The following BANP variants were observed in gnomAD, a reference collection of about 807,000 sequenced individuals.
BANP encodes the protein BTG3 associated nuclear protein, also known as protein BANP.
In BANP, 11 loss-of-function variants were observed where a neutral mutation model predicts 68.1. That is an observed-to-expected ratio of 0.16 (90% CI 0.10 to 0.27). BANP has a LOEUF of 0.27. Ranked by LOEUF, BANP falls within the 10% of genes least tolerant of loss-of-function variation. The pLI is 1.00. For synonymous variants in BANP, 329 were observed against 303.2 expected (o/e 1.09, Z -0.88); for missense variants, 504 against 722.7 (o/e 0.70, Z 3.47).
At chr16:88,053,836 T>G (rs370447405) in intron 11 of BANP, among the ~76,000 whole-genome samples, 1 of 89,626 alleles carries the variant, frequency 1.1e-5, no homozygotes, top group Non-Finnish European at 2.5e-5. Flanking sequence ...CACAACCACC[T>G]TAACAACCAC....
In BANP at chr16:87,987,712, C is replaced by CAAAAAAAAAAAAAAAAAAA. The variant is rs66648819; in HGVS notation, c.362+3462_362+3480dup. Reference sequence around the variant, plus strand: ...CTCCAGGCTGAGCGAGACCCTAACTCAAAAAAAAAAAAAAAAAAAAAAAAA... The same window carrying CAAAAAAAAAAAAAAAAAAA: ...CTCCAGGCTGAGCGAGACCCTAACTCAAAAAAAAAAAAAAAAAAAAAAAAAAAAAAAAAAAAAAAAAAAA... On this transcript the variant is annotated intron_variant, in intron 4 of 13. Coordinates refer to ENST00000682872, the MANE Select transcript of BANP (RefSeq NM_001386991.1). Among the ~76,000 whole-genome samples, 109 of 30,370 alleles carry CAAAAAAAAAAAAAAAAAAA rather than the reference C, an allele frequency of 3.6e-3. 29 individuals are homozygous for CAAAAAAAAAAAAAAAAAAA. Among genetic ancestry groups the CAAAAAAAAAAAAAAAAAAA allele is most frequent in the Non-Finnish European group, 4.8e-3 (83 of 17,218 alleles). The allele number at this position is 30,370 out of a possible 152,430, so 19.9% of individuals were successfully genotyped here. A position where few individuals can be genotyped will look rare whatever the true frequency, so the allele number is the denominator to read the frequency against.
intron 6 of BANP, among the ~76,000 whole-genome samples, chr16:88,011,116 G>A (rs1377597121): frequency 1.3e-5 from 2 of 152,200 alleles, no homozygotes; most frequent in African/African-American, 4.8e-5. Context: ...GTGCCACAGA[G>A]CGGCCGGAAG....
chr16:87,997,829 C>T (rs2067707250), intron 4 of BANP, among the ~76,000 whole-genome samples: 3 of 152,260 alleles, frequency 2.0e-5, no homozygotes, highest in Admixed American at 2.0e-4. Context: ...AGGACTGTTA[C>T]TTCCTGGTGA....
Position 88,071,971 on chromosome 16 carries a change from A to G in BANP, c.1378-98A>G. 6.8e-7 allele frequency: 1 copy of G among 1,476,792 alleles called. No individual in the cohort carries two copies. Among genetic ancestry groups the G allele is most frequent in the East Asian group, 2.5e-5 (1 of 40,498 alleles). 91.5% of individuals were successfully genotyped at this position (1,476,792 alleles called of 1,614,324 possible). The stretch of plus-strand genomic sequence containing the variant: ...GTGTCCCTGCCGCTCAGGGGACAGC[A>G]CGTGTGGGCTGGGGTCTGCGGTCTG... On this transcript the variant is annotated intron_variant, in intron 12 of 13. Transcript: ENST00000682872. The surrounding 1 kb of genome is among the most constrained non-coding windows in gnomAD (Gnocchi z 6.5).
intron 1 of BANP, among the ~76,000 whole-genome samples, chr16:87,969,250 TG>T (rs200422080): frequency 0.02 from 3,013 of 152,212 alleles, 90 homozygotes; most frequent in African/African-American, 0.068. Flanking sequence ...TTGTTGTTGT[TG>T]TTGTTGTTTG....
chr16:88,031,996 G>C (rs1434941287), intron 8 of BANP, among the ~76,000 whole-genome samples: 1 of 152,008 alleles, frequency 6.6e-6, no homozygotes, highest in Non-Finnish European at 1.5e-5. Flanking sequence ...GTAGAGACGG[G>C]GTTCACCATG....
chr16:87,957,834 C>G lies in BANP; in HGVS notation c.-69+6319C>G, dbSNP rs1256232229. On this transcript the variant is annotated intron_variant, in intron 1 of 13. Transcript: ENST00000682872. The surrounding 1 kb of genome is among the most constrained non-coding windows in gnomAD (Gnocchi z 4.3). ...GCCACGGTCCCTGCTGTCATCATGG[C>G]ATGCTGCAAGCTCTGTGGGCGCTGG... Among the ~76,000 whole-genome samples the G allele has an allele frequency of 6.6e-6, 1 of 152,158 alleles. No individual in the cohort carries two copies. The highest frequency in any genetic ancestry group is 1.5e-5 in the Non-Finnish European group (1 of 68,036).
chr16:88,062,635 C>T (rs534545870), intron 11 of BANP, among the ~76,000 whole-genome samples: 6 of 152,328 alleles, frequency 3.9e-5, no homozygotes, highest in African/African-American at 1.4e-4. Flanking sequence ...TCAAGTTCAG[C>T]CGCAGGCCAG....
intron 7 of BANP, among the ~76,000 whole-genome samples, chr16:88,022,776 C>G (rs1598536905): frequency 6.6e-6 from 1 of 152,154 alleles, no homozygotes; most frequent in East Asian, 1.9e-4. Flanking sequence ...GGCCGCATCC[C>G]TCCAGTCTCT....
chr16:88,031,023 C>A (rs558590970), intron 8 of BANP, among the ~76,000 whole-genome samples: 1 of 152,216 alleles, frequency 6.6e-6, no homozygotes, highest in Non-Finnish European at 1.5e-5. Flanking sequence ...AGCAGCTCCG[C>A]GGAGGTGGGC....
At chr16:88,073,943 CG>C (rs1448456667) in intron 13 of BANP, among the ~76,000 whole-genome samples, 1 of 152,236 alleles carries the variant, frequency 6.6e-6, no homozygotes, top group Admixed American at 6.5e-5. Flanking sequence ...CCAAGGAAGA[CG>C]GCGTGCTTAA....
chr16:88,073,546 G>C (rs1055919327), intron 13 of BANP, among the ~76,000 whole-genome samples: 3 of 143,748 alleles, frequency 2.1e-5, no homozygotes, highest in Non-Finnish European at 4.7e-5. Flanking sequence ...CGCACAGGCA[G>C]TGAGGAGCGG....
chr16:87,984,170 G>T lies in BANP; in HGVS notation c.273G>T (p.Leu91=), dbSNP rs758876999. ...TCKSLEEKLD[L]VTNKQHSPIQ... Reference sequence around the variant, plus strand: ...AATCCTTAGAAGAAAAGCTGGATCTGGTCACGAACAAGCAGCACAGCCCCA... The same window carrying T: ...AATCCTTAGAAGAAAAGCTGGATCTTGTCACGAACAAGCAGCACAGCCCCA... The change falls in exon 4 of 14, where the codon CTG becomes CTT. Residue 91 remains leucine (L), a synonymous_variant. Coordinates refer to ENST00000682872, the MANE Select transcript of BANP (RefSeq NM_001386991.1). 2.1e-5 allele frequency: 33 copies of T among 1,608,366 alleles called. No homozygotes were observed. The highest frequency in any genetic ancestry group is 2.8e-5 in the Non-Finnish European group (33 of 1,176,846).
At chr16:88,070,775 TA>T (rs1256570713) in intron 12 of BANP, among the ~76,000 whole-genome samples, 1 of 152,190 alleles carries the variant, frequency 6.6e-6, no homozygotes, top group East Asian at 1.9e-4. Flanking sequence ...TTTCTGTCAT[TA>T]AAAATCATTT....
At chr16:88,015,483 G>A (rs116595244) in intron 6 of BANP, among the ~76,000 whole-genome samples, 1,913 of 152,324 alleles carry the variant, frequency 0.013, 47 homozygotes, top group African/African-American at 0.044. Flanking sequence ...CTCTGGCCAC[G>A]CTGGTTCCCT....
At chr16:87,992,224 T>C (rs2066037441) in intron 4 of BANP, among the ~76,000 whole-genome samples, 1 of 152,252 alleles carries the variant, frequency 6.6e-6, no homozygotes, top group Non-Finnish European at 1.5e-5. Flanking sequence ...TTCATCTACA[T>C]GTATTGTGCT....
At chr16:88,042,959 AAAATACTT>A (rs1228351382) in intron 11 of BANP, among the ~76,000 whole-genome samples, 1 of 152,236 alleles carries the variant, frequency 6.6e-6, no homozygotes, top group Non-Finnish European at 1.5e-5. Context: ...TCAAAAAATT[AAAATACTT>A]AAAAAATTAT....
chr16:88,018,744 C>G lies in BANP; in HGVS notation c.895+77C>G. 2 of 1,479,294 alleles carry G rather than the reference C, an allele frequency of 1.4e-6. No individual in the cohort carries two copies. Among genetic ancestry groups the G allele is most frequent in the Non-Finnish European group, 1.8e-6 (2 of 1,103,364 alleles). The allele number at this position is 1,479,294 out of a possible 1,614,324, so 91.6% of individuals were successfully genotyped here. A position where few individuals can be genotyped will look rare whatever the true frequency, so the allele number is the denominator to read the frequency against. On this transcript the variant is annotated intron_variant, in intron 7 of 13. Coordinates refer to ENST00000682872, the MANE Select transcript of BANP (RefSeq NM_001386991.1). The surrounding 1 kb of genome is among the most constrained non-coding windows in gnomAD (Gnocchi z 7.7). ...GACCCACATTTCAATGCTGAGGACG[C>G]TGGCATCAGTAGCACCGGCACGGGG...
intron 13 of BANP, among the ~76,000 whole-genome samples, chr16:88,074,786 C>A (rs538807324): frequency 6.6e-6 from 1 of 152,206 alleles, no homozygotes; most frequent in Non-Finnish European, 1.5e-5. Flanking sequence ...TCCCGTTAGG[C>A]CTTCCCAGCT....
Sources: gnomAD v4.1 joint callset for allele counts (sites outside exome capture counted in the v4.1 genomes callset) on GRCh38, gnomAD v4.1.1 for gene constraint, Gnocchi (gnomAD v3.1) non-coding constraint, MANE v1.5 for transcripts, NCBI Gene and HGNC (gene_info 2026-07-23, HGNC 2026-07-21) for gene names.